UCHL5: variants seen among roughly 807,000 people sequenced by gnomAD.
UCHL5 encodes the protein ubiquitin C-terminal hydrolase L5, also known as ubiquitin carboxyl-terminal hydrolase isozyme L5.
UCHL5 carries 34 observed loss-of-function variants against 53.8 expected under a neutral mutation model. The ratio of observed to expected loss-of-function variants is 0.63; its 90% confidence interval spans 0.48 to 0.84. The LOEUF (loss-of-function observed/expected upper bound fraction) is 0.84, where lower values mean the gene tolerates loss of function less well. Among genes scored for constraint, UCHL5 ranks in the 40% least tolerant of loss-of-function variants. UCHL5 has a pLI of 0.00. For synonymous variants in UCHL5, 111 were observed against 126.3 expected (o/e 0.88, Z 0.81); for missense variants, 290 against 385.6 (o/e 0.75, Z 2.08).
chr1:193,021,047 T>A (rs1196183402), intron 10 of UCHL5, 50 bp downstream of exon 10: 5 of 1,360,800 alleles, frequency 3.7e-6, no homozygotes, highest in Non-Finnish European at 5.1e-6. Flanking sequence ...ACATTTTATG[T>A]TTTTGGAGAC....
chr1:193,042,454 T>C (rs1449980871), intron 3 of UCHL5, among the ~76,000 whole-genome samples: 2 of 152,200 alleles, frequency 1.3e-5, no homozygotes, highest in African/African-American at 4.8e-5. Flanking sequence ...AATCCCATTC[T>C]GGGTACCTTA....
rs1008549433 is a variant in UCHL5 at position 193,059,352 on chromosome 1, G to A, written c.-92C>T. 2 of 1,605,516 alleles carry A rather than the reference G, an allele frequency of 1.2e-6. No individual in the cohort carries two copies. The highest frequency in any genetic ancestry group is 3.4e-5 in the Admixed American group (2 of 58,766). On this transcript the variant is annotated 5_prime_UTR_variant, in exon 1 of 11. Transcript: ENST00000367454. This position sits in a 1 kb window ranked among gnomAD's most constrained non-coding sequence, Gnocchi z 4.9. ...GGCCACAGATCTCAGCAAACCCGCC[G>A]CCGAGCTCGTCAACCACACGTCACC... is the stretch of plus-strand genomic sequence containing the variant.
At position 193,038,426 on chromosome 1, in the gene UCHL5, G is replaced by A. The variant is rs541149161; in HGVS notation, c.247-8769C>T. ...GCCGAGATCGCGCCACTGCACTCCA[G>A]CCTGGGCGACAGAGTGAGACTTCAT... On this transcript the variant is annotated intron_variant, in intron 3 of 10. Coordinates refer to ENST00000367454, the MANE Select transcript of UCHL5 (RefSeq NM_001199261.3). Among the ~76,000 whole-genome samples, 7 of 149,326 alleles carry A rather than the reference G, an allele frequency of 4.7e-5. No individual in the cohort carries two copies. The East Asian group carries it at 1.4e-3, about 30-fold the overall frequency.
At chr1:193,016,754 T>G (rs138448464) in intron 10 of UCHL5, among the ~76,000 whole-genome samples, 1 of 151,898 alleles carries the variant, frequency 6.6e-6, no homozygotes. Flanking sequence ...CACATGAGCA[T>G]AAGAAAAATC....
At chr1:193,046,813 ACAAAGT>A (rs1252692197) in intron 3 of UCHL5, among the ~76,000 whole-genome samples, 2 of 151,008 alleles carry the variant, frequency 1.3e-5, no homozygotes, top group Admixed American at 1.3e-4. Flanking sequence ...GTGAAATGAA[ACAAAGT>A]CAAACTTTCA....
chr1:193,029,097 T>C (rs569898787), intron 6 of UCHL5, 82 bp downstream of exon 6: 274 of 1,513,702 alleles, frequency 1.8e-4, no homozygotes, highest in Non-Finnish European at 2.3e-4. Flanking sequence ...CCTTGAAAAT[T>C]TAAGCAGCAC....
At chr1:193,052,729 C>T (rs192733484) in intron 1 of UCHL5, among the ~76,000 whole-genome samples, 2 of 152,234 alleles carry the variant, frequency 1.3e-5, no homozygotes, top group East Asian at 3.9e-4. Flanking sequence ...TAATTCAGTG[C>T]TCAGCACACT....
Position 193,029,673 on chromosome 1 carries a change from G to C in UCHL5, c.247-16C>G, listed in dbSNP as rs201545373. The C allele has an allele frequency of 3.8e-6, 6 of 1,568,854 alleles. No individual in the cohort carries two copies. Among genetic ancestry groups the C allele is most frequent in the Non-Finnish European group, 5.2e-6 (6 of 1,160,836 alleles). ...TATTAATTACCTATAAAATATAAAA[G>C]TGAAGATATCAATGTGTTTAAAAAA... On this transcript the variant is annotated splice_polypyrimidine_tract_variant and intron_variant, in intron 3 of 10. Coordinates refer to ENST00000367454, the MANE Select transcript of UCHL5 (RefSeq NM_001199261.3).
upstream of UCHL5, chr1:193,059,531 G>A: frequency 6.4e-7 from 1 of 1,565,960 alleles, no homozygotes; most frequent in South Asian, 1.1e-5. The surrounding 1 kb of genome is among the most constrained non-coding windows in gnomAD (Gnocchi z 4.9). Flanking sequence ...AAGAAAGGGC[G>A]GTGATTCACA....
chr1:193,047,425 C>G (rs1048647756), intron 3 of UCHL5, among the ~76,000 whole-genome samples: 9 of 151,982 alleles, frequency 5.9e-5, no homozygotes, highest in Non-Finnish European at 1.2e-4. Context: ...ATAAAAAACC[C>G]TATTTTCCTT....
At chr1:193,017,840 G>A (rs959379664) in intron 10 of UCHL5, among the ~76,000 whole-genome samples, 14 of 151,330 alleles carry the variant, frequency 9.3e-5, no homozygotes, top group Non-Finnish European at 2.1e-4. Context: ...TGTGAAGTAG[G>A]TATGATTCCC....
chr1:193,018,337 C>T (rs1180754594), intron 10 of UCHL5: 1 of 253,042 alleles, frequency 4.0e-6, no homozygotes, highest in African/African-American at 2.3e-5. Flanking sequence ...TTCATAATTA[C>T]ATACAAATGT....
chr1:193,034,599 C>G (rs2102548870), intron 3 of UCHL5, among the ~76,000 whole-genome samples: 1 of 151,972 alleles, frequency 6.6e-6, no homozygotes, highest in Admixed American at 6.5e-5. Flanking sequence ...TTTCATGAAG[C>G]CAGAATAACC....
intron 7 of UCHL5, 148 bp from the exon 8 acceptor site, chr1:193,024,094 A>T: frequency 1.5e-6 from 1 of 647,632 alleles, no homozygotes. Context: ...ACTTTTAAAA[A>T]GCTTTCAGGT....
chr1:193,049,114 G>C (rs1668235518), intron 3 of UCHL5, among the ~76,000 whole-genome samples: 1 of 152,068 alleles, frequency 6.6e-6, no homozygotes, highest in African/African-American at 2.4e-5. Flanking sequence ...CCAGGCTGGT[G>C]TCAAATTCCT....
chr1:193,025,345 G>T (rs888728658), intron 7 of UCHL5, among the ~76,000 whole-genome samples: 20 of 152,238 alleles, frequency 1.3e-4, no homozygotes, highest in African/African-American at 4.6e-4. Flanking sequence ...CTTTAACAAG[G>T]TTCCTAGGTT....
chr1:193,046,659 A>G (rs972997589), intron 3 of UCHL5, among the ~76,000 whole-genome samples: 5 of 147,636 alleles, frequency 3.4e-5, no homozygotes, highest in Admixed American at 6.8e-5. Context: ...ATAATAATTT[A>G]TATATTTATA....
chr1:193,018,903 C>T (rs1219493326), intron 10 of UCHL5: 11 of 1,126,944 alleles, frequency 9.8e-6, no homozygotes, highest in South Asian at 1.8e-5. Flanking sequence ...GAAGTATTAC[C>T]ATTAAGTAAT....
At chr1:193,030,678 T>A (rs887101676) in intron 3 of UCHL5, among the ~76,000 whole-genome samples, 4 of 152,216 alleles carry the variant, frequency 2.6e-5, no homozygotes, top group African/African-American at 9.6e-5. Flanking sequence ...TTGTAATTAG[T>A]CTTTCCAATA....
Sources: allele counts gnomAD v4.1 joint callset (sites outside exome capture counted in the v4.1 genomes callset), GRCh38; gene constraint gnomAD v4.1.1; non-coding constraint Gnocchi (gnomAD v3.1); transcripts MANE v1.5; gene names NCBI Gene and HGNC (gene_info 2026-07-23, HGNC 2026-07-21).